The following PINX1 variants were observed in gnomAD, a reference collection of about 807,000 sequenced individuals.
PINX1 encodes the protein PIN2/TERF1-interacting telomerase inhibitor 1.
A neutral mutation model predicts 25.4 loss-of-function variants in PINX1; 34 were observed. The ratio of observed to expected loss-of-function variants is 1.34; its 90% CI spans 1.02 to 1.78. The LOEUF (loss-of-function observed/expected upper bound fraction) is 1.78. Ranked by LOEUF, PINX1 falls within the 40% of genes most tolerant of loss-of-function variation. The pLI is 0.00. For synonymous variants in PINX1, 197 were observed against 147.7 expected (o/e 1.33, Z -2.42); for missense variants, 592 against 404.9 (o/e 1.46, Z -3.97).
At chr8:10,812,651 C>G (rs1188349817) in intron 6 of PINX1, among the ~76,000 whole-genome samples, 1 of 152,216 alleles carries the variant, frequency 6.6e-6, no homozygotes, top group African/African-American at 2.4e-5. Flanking sequence ...AACATGCTTT[C>G]CAGACGCCAC....
At chr8:10,768,170 T>C (rs1453886862) in intron 6 of PINX1, among the ~76,000 whole-genome samples, 1 of 152,038 alleles carries the variant, frequency 6.6e-6, no homozygotes, top group African/African-American at 2.4e-5. Context: ...ACAGACTCGG[T>C]GACGACGGCT....
intron 6 of PINX1, 93 bp downstream of exon 6, chr8:10,820,100 A>G (rs1239947030): frequency 4.9e-6 from 4 of 819,242 alleles, no homozygotes; most frequent in Non-Finnish European, 8.4e-6. Context: ...AGTTTGTCAG[A>G]AAAGTACTAG....
intron 1 of PINX1, among the ~76,000 whole-genome samples, chr8:10,839,095 A>T (rs1029576687): frequency 6.6e-6 from 1 of 152,172 alleles, no homozygotes; most frequent in African/African-American, 2.4e-5. Context: ...ACAATTCAGA[A>T]GTTCAGCAGC....
chr8:10,814,940 C>A (rs1361565623), intron 6 of PINX1, among the ~76,000 whole-genome samples: 1 of 152,098 alleles, frequency 6.6e-6, no homozygotes, highest in African/African-American at 2.4e-5. Context: ...GCAATTTCTT[C>A]TTTTTCTTCG....
At chr8:10,816,591 T>C (rs970395316) in intron 6 of PINX1, among the ~76,000 whole-genome samples, 1 of 152,188 alleles carries the variant, frequency 6.6e-6, no homozygotes, top group African/African-American at 2.4e-5. Flanking sequence ...TGACTACAGG[T>C]AAGGTAAAGA....
chr8:10,828,211 G>C (rs1474884896), intron 4 of PINX1, among the ~76,000 whole-genome samples: 1 of 152,072 alleles, frequency 6.6e-6, no homozygotes, highest in Non-Finnish European at 1.5e-5. Flanking sequence ...CACTTCCCAG[G>C]GACACCTTGG....
intron 6 of PINX1, among the ~76,000 whole-genome samples, chr8:10,766,926 G>A (rs1801069039): frequency 6.6e-6 from 1 of 152,226 alleles, no homozygotes; most frequent in Non-Finnish European, 1.5e-5. Flanking sequence ...CTGTGAGGCA[G>A]GAAGTGCTTT....
intron 6 of PINX1, among the ~76,000 whole-genome samples, chr8:10,785,390 T>C (rs185331736): frequency 1.3e-5 from 2 of 152,320 alleles, no homozygotes; most frequent in Admixed American, 6.5e-5. Flanking sequence ...TTAGACTCCA[T>C]CCAATCATGC....
At chr8:10,791,622 T>C (rs905732005) in intron 6 of PINX1, among the ~76,000 whole-genome samples, 1 of 152,206 alleles carries the variant, frequency 6.6e-6, no homozygotes, top group Admixed American at 6.5e-5. Context: ...ATAGCTATAT[T>C]CTTTTAAAAG....
chr8:10,786,559 G>A (rs1444178949), intron 6 of PINX1, among the ~76,000 whole-genome samples: 4 of 152,168 alleles, frequency 2.6e-5, no homozygotes, highest in African/African-American at 4.8e-5. Context: ...AAAATTAAGC[G>A]TGAGCTACGC....
chr8:10,806,432 T>G (rs766950422), intron 6 of PINX1, among the ~76,000 whole-genome samples: 2 of 152,168 alleles, frequency 1.3e-5, no homozygotes, highest in Non-Finnish European at 2.9e-5. Context: ...TGTTTTAAAA[T>G]GGGAATGATG....
chr8:10,786,498 A>C (rs984030824), intron 6 of PINX1, among the ~76,000 whole-genome samples: 9 of 152,170 alleles, frequency 5.9e-5, no homozygotes, highest in African/African-American at 2.2e-4. Context: ...AAAAAGTCCC[A>C]AGTCTCAGCG....
chr8:10,826,402 T>C (rs1798045548), intron 4 of PINX1, among the ~76,000 whole-genome samples, 158 bp from the exon 5 acceptor site: 1 of 152,214 alleles, frequency 6.6e-6, no homozygotes, highest in Admixed American at 6.5e-5. Flanking sequence ...TTCTGCTGGA[T>C]CTCTGTTTTC....
intron 6 of PINX1, among the ~76,000 whole-genome samples, chr8:10,812,708 C>T (rs1303884496): frequency 1.3e-5 from 2 of 152,200 alleles, no homozygotes; most frequent in African/African-American, 2.4e-5. Flanking sequence ...AAACATGACA[C>T]CCATGACACC....
At chr8:10,783,491 G>T (rs1259161904) in intron 6 of PINX1, among the ~76,000 whole-genome samples, 3 of 152,176 alleles carry the variant, frequency 2.0e-5, no homozygotes, top group Non-Finnish European at 2.9e-5. Context: ...GAACCTGCCA[G>T]TTGCTGCTCC....
chr8:10,783,770 T>G (rs1038940562), intron 6 of PINX1, among the ~76,000 whole-genome samples: 1 of 151,998 alleles, frequency 6.6e-6, no homozygotes, highest in Non-Finnish European at 1.5e-5. Context: ...AGGAAGAAAA[T>G]GATTAAAGTA....
At chr8:10,787,782 G>A (rs1484943556) in intron 6 of PINX1, 2 of 455,610 alleles carry the variant, frequency 4.4e-6, no homozygotes, top group Non-Finnish European at 8.8e-6. Flanking sequence ...CAGGACATGG[G>A]AAATTCTGTA....
chr8:10,809,832 G>C (rs991967566), intron 6 of PINX1, among the ~76,000 whole-genome samples: 2 of 152,224 alleles, frequency 1.3e-5, no homozygotes, highest in Non-Finnish European at 2.9e-5. Context: ...CTTCGAAGTT[G>C]TGTTAGTCTG....
chr8:10,829,105 G>A (rs1434293675), intron 4 of PINX1, among the ~76,000 whole-genome samples: 1 of 152,060 alleles, frequency 6.6e-6, no homozygotes, highest in Non-Finnish European at 1.5e-5. Flanking sequence ...GACCAACATG[G>A]TGAAACCCCG....
Sources: gnomAD v4.1 joint callset for allele counts (sites outside exome capture counted in the v4.1 genomes callset) on GRCh38, gnomAD v4.1.1 for gene constraint, MANE v1.5 for transcripts, NCBI Gene and HGNC (gene_info 2026-07-23, HGNC 2026-07-21) for gene names.